The following RSRC1 variants were observed in gnomAD, a reference collection of about 807,000 sequenced individuals.
RSRC1 encodes arginine and serine rich coiled-coil 1.
RSRC1 carries 39 observed loss-of-function variants against 49.1 expected under a neutral mutation model. The ratio of observed to expected loss-of-function variants is 0.79; its 90% CI spans 0.61 to 1.04. The LOEUF is 1.04. Ranked by LOEUF, RSRC1 falls within the 50% of genes least tolerant of loss-of-function variation. The pLI is 0.00. For synonymous variants in RSRC1, 143 were observed against 130.8 expected (o/e 1.09, Z -0.63); for missense variants, 388 against 402.4 (o/e 0.96, Z 0.31).
chr3:158,329,966 T>C (rs1413881192), intron 5 of RSRC1, among the ~76,000 whole-genome samples: 2 of 152,168 alleles, frequency 1.3e-5, no homozygotes, highest in Non-Finnish European at 2.9e-5. Context: ...GCTGCCGCCT[T>C]GCAGTTCGAT....
chr3:158,212,716 C>T (rs1310713958), intron 4 of RSRC1, among the ~76,000 whole-genome samples: 1 of 151,826 alleles, frequency 6.6e-6, no homozygotes, highest in Admixed American at 6.6e-5. Context: ...AGAGTCTGCA[C>T]TACTGTTAGA....
At chr3:158,377,236 G>A (rs1732425135) in intron 6 of RSRC1, among the ~76,000 whole-genome samples, 1 of 152,100 alleles carries the variant, frequency 6.6e-6, no homozygotes, top group African/African-American at 2.4e-5. Context: ...TTCTTCAAAT[G>A]TACACTGTTT....
chr3:158,303,212 A>G (rs1578311821), intron 5 of RSRC1: 1 of 152,200 alleles, frequency 6.6e-6, no homozygotes, highest in African/African-American at 2.4e-5. Context: ...TTCTCTTGGG[A>G]GAAGGATTTA....
chr3:158,485,485 A>G (rs971660398), intron 7 of RSRC1, among the ~76,000 whole-genome samples: 2 of 152,160 alleles, frequency 1.3e-5, no homozygotes, highest in Non-Finnish European at 2.9e-5. Context: ...AAGGCAATGT[A>G]TAACACCACG....
chr3:158,157,030 A>G (rs970200064), intron 3 of RSRC1, among the ~76,000 whole-genome samples: 3 of 152,334 alleles, frequency 2.0e-5, no homozygotes, highest in East Asian at 3.9e-4. Context: ...AAGCAGAGTA[A>G]AGTAAAAAGA....
chr3:158,486,535 G>C (rs1011248107), intron 7 of RSRC1, among the ~76,000 whole-genome samples: 4 of 152,186 alleles, frequency 2.6e-5, no homozygotes, highest in African/African-American at 9.6e-5. Context: ...AATGCTGGTA[G>C]ACTGCTTGTG....
intron 7 of RSRC1, among the ~76,000 whole-genome samples, chr3:158,503,742 C>A (rs1052489730): frequency 6.6e-6 from 1 of 151,978 alleles, no homozygotes; most frequent in Non-Finnish European, 1.5e-5. Context: ...CCGTGCCCCC[C>A]CAACAGCCCT....
chr3:158,404,347 T>G (rs1489046856), intron 6 of RSRC1, among the ~76,000 whole-genome samples: 2 of 151,908 alleles, frequency 1.3e-5, no homozygotes, highest in Non-Finnish European at 2.9e-5. Context: ...AGCAAATCTG[T>G]GCTGTTGGCA....
chr3:158,480,162 G>T (rs1361178163), intron 7 of RSRC1, among the ~76,000 whole-genome samples: 1 of 152,006 alleles, frequency 6.6e-6, no homozygotes, highest in African/African-American at 2.4e-5. Context: ...CCATCTGTTA[G>T]TATATTTGGA....
chr3:158,316,528 T>C (rs1240336384), intron 5 of RSRC1, among the ~76,000 whole-genome samples: 1 of 139,420 alleles, frequency 7.2e-6, no homozygotes, highest in Non-Finnish European at 1.5e-5. Context: ...CACTGCAGGC[T>C]CCGCCCCCGG....
chr3:158,256,631 T>C (rs1252215935), intron 4 of RSRC1, among the ~76,000 whole-genome samples: 1 of 152,154 alleles, frequency 6.6e-6, no homozygotes, highest in Non-Finnish European at 1.5e-5. Context: ...ATTGGAATGG[T>C]TTCATAAGGA....
chr3:158,487,150 A>C (rs1285339405), intron 7 of RSRC1, among the ~76,000 whole-genome samples: 1 of 152,214 alleles, frequency 6.6e-6, no homozygotes, highest in East Asian at 1.9e-4. Context: ...ACAGATAAGC[A>C]CTTGGAAACA....
intron 6 of RSRC1, among the ~76,000 whole-genome samples, chr3:158,368,659 GA>G: frequency 6.6e-6 from 1 of 152,312 alleles, no homozygotes; most frequent in East Asian, 1.9e-4. Context: ...TTGAAAGACT[GA>G]CAAGTGTATA....
At chr3:158,312,441 G>A (rs1326686891) in intron 5 of RSRC1, among the ~76,000 whole-genome samples, 1 of 152,126 alleles carries the variant, frequency 6.6e-6, no homozygotes, top group African/African-American at 2.4e-5. Context: ...CAGGAGAGAT[G>A]ACTCTGTCCT....
intron 6 of RSRC1, among the ~76,000 whole-genome samples, chr3:158,387,543 G>A (rs923812906): frequency 1.9e-4 from 29 of 152,142 alleles, no homozygotes; most frequent in African/African-American, 6.3e-4. Context: ...AAATTCATTG[G>A]TCATCTACAG....
intron 7 of RSRC1, among the ~76,000 whole-genome samples, chr3:158,475,741 T>G (rs1480855892): frequency 1.3e-5 from 2 of 152,056 alleles, no homozygotes; most frequent in African/African-American, 4.8e-5. Context: ...TCTCTCTCTC[T>G]CTCTCCCTGG....
chr3:158,173,421 A>G (rs1056794280), intron 3 of RSRC1, among the ~76,000 whole-genome samples: 1 of 152,044 alleles, frequency 6.6e-6, no homozygotes, highest in African/African-American at 2.4e-5. Context: ...GTTGTTATTA[A>G]GATCTAAATC....
At chr3:158,227,424 C>T (rs1387961623) in intron 4 of RSRC1, among the ~76,000 whole-genome samples, 1 of 151,840 alleles carries the variant, frequency 6.6e-6, no homozygotes, top group East Asian at 1.9e-4. Flanking sequence ...TTTTCTCTTC[C>T]CTCCCTTCAT....
intron 3 of RSRC1, among the ~76,000 whole-genome samples, chr3:158,127,776 T>G (rs1159061640): frequency 2.9e-5 from 2 of 69,002 alleles, no homozygotes; most frequent in Non-Finnish European, 6.0e-5. Flanking sequence ...TTTTTTTTTT[T>G]GGCTGAGTTT....
Sources: allele counts gnomAD v4.1 joint callset (sites outside exome capture counted in the v4.1 genomes callset), GRCh38; gene constraint gnomAD v4.1.1; transcripts MANE v1.5; gene names NCBI Gene and HGNC (gene_info 2026-07-23, HGNC 2026-07-21).